NXNL2: variants seen among roughly 807,000 people sequenced by gnomAD.
NXNL2 encodes the protein nucleoredoxin-like protein 2.
Under a neutral mutation model 11.1 loss-of-function variants are expected in NXNL2, and 7 were observed. That is an observed-to-expected ratio of 0.63 (90% CI 0.36 to 1.18). The LOEUF (loss-of-function observed/expected upper bound fraction) is 1.18. Ranked by LOEUF, NXNL2 falls within the 50% of genes most tolerant of loss-of-function variation. The pLI, the probability that NXNL2 is intolerant of heterozygous loss-of-function variation, is 0.02. For synonymous variants in NXNL2, 109 were observed against 101.8 expected, an observed-to-expected ratio of 1.07 and a Z score of -0.42; for missense variants, 233 against 217.7, an observed-to-expected ratio of 1.07 and a Z score of -0.44.
intron 1 of NXNL2, among the ~76,000 whole-genome samples, chr9:88,551,609 T>C (rs1829933581): frequency 6.6e-6 from 1 of 152,194 alleles, no homozygotes; most frequent in African/African-American, 2.4e-5. Flanking sequence ...AATGTCTTCT[T>C]TCTGCACAGT....
At chr9:88,556,862 G>A (rs1587848913) in intron 1 of NXNL2, among the ~76,000 whole-genome samples, 1 of 152,060 alleles carries the variant, frequency 6.6e-6, no homozygotes, top group African/African-American at 2.4e-5. Flanking sequence ...CGGATCATGA[G>A]CTCAGGAGGT....
chr9:88,570,896 C>T lies in NXNL2; in HGVS notation c.303-191C>T, dbSNP rs371208715. 5.4e-4 allele frequency among the ~76,000 whole-genome samples: 82 copies of T among 151,950 alleles called. 1 individual carries two copies. In the South Asian group the frequency reaches 0.016, roughly 30 times the overall value. Reference sequence around the variant, plus strand: ...TAGCTGGGATTACAGGAGTGCACCACCATGCCTGGCTAATTTTTGTATTTT... The same window carrying T: ...TAGCTGGGATTACAGGAGTGCACCATCATGCCTGGCTAATTTTTGTATTTT... On this transcript the variant is annotated intron_variant, in intron 1 of 2. Transcript: ENST00000375855.
At chr9:88,540,070 C>T (rs1441779446) in intron 1 of NXNL2, among the ~76,000 whole-genome samples, 3 of 151,870 alleles carry the variant, frequency 2.0e-5, no homozygotes, top group Non-Finnish European at 4.4e-5. Context: ...TGGTGGCTCA[C>T]GCCTGTAATC....
At chr9:88,546,398 T>C (rs2118436269), downstream of NXNL2, among the ~76,000 whole-genome samples, 2 of 147,954 alleles carry the variant, frequency 1.4e-5, no homozygotes, top group East Asian at 2.0e-4. Context: ...CCATTATTAC[T>C]CCCTGAAGAC....
At chr9:88,570,546 T>G (rs974767733) in intron 1 of NXNL2, among the ~76,000 whole-genome samples, 6 of 152,240 alleles carry the variant, frequency 3.9e-5, no homozygotes, top group African/African-American at 1.4e-4. Flanking sequence ...TCATCATGCC[T>G]CAGTTTCCTC....
In NXNL2 at chr9:88,575,148, A is replaced by G. The variant is rs1830330828; in HGVS notation, c.*78A>G. The G allele has an allele frequency of 1.0e-5, 10 of 985,216 alleles. No individual in the cohort carries two copies. The South Asian group carries it at 4.7e-4, about 46-fold the overall frequency. 61.0% of individuals were successfully genotyped at this position (985,216 alleles called of 1,614,324 possible). ...GAGGAGTTGGACACTCCGAGAGTGC[A>G]GCTGTTCTCCCCCCGCACCATCCGT... On this transcript the variant is annotated 3_prime_UTR_variant, in exon 3 of 3. Coordinates refer to the NXNL2 transcript ENST00000375855.
In NXNL2 at chr9:88,544,540, C is replaced by G; in HGVS notation, c.464C>G (p.Ser155Cys). 6.5e-7 allele frequency: 1 copy of G among 1,532,896 alleles called. No homozygotes were observed. The highest frequency in any genetic ancestry group is 8.8e-7 in the Non-Finnish European group (1 of 1,137,476). 95.0% of individuals were successfully genotyped at this position (1,532,896 alleles called of 1,614,324 possible). A position where few individuals can be genotyped will look rare whatever the true frequency, so the allele number is the denominator to read the frequency against. The change falls in exon 2 of 2, where the codon TCC (serine) becomes TGC (cysteine). Residue 155 changes from serine (S) to cysteine (C), a missense_variant. Physicochemically the swap from Ser to Cys is moderately radical, Grantham distance 112. Transcript: ENST00000375854. ...GCGGCCGATATCTTCCAGAATTTCT[C>G]CGTTTGAAGTGGGAGGGACCTCAGA... The part of the protein sequence containing the change: ...VEAADIFQNF[S>C]V
downstream of NXNL2, among the ~76,000 whole-genome samples, chr9:88,549,310 C>G: frequency 6.6e-6 from 1 of 152,154 alleles, no homozygotes; most frequent in Non-Finnish European, 1.5e-5. Context: ...GAATGATCCC[C>G]GGGCTGCTCC....
At chr9:88,561,709 T>C (rs754394057) in intron 1 of NXNL2, among the ~76,000 whole-genome samples, 7 of 152,108 alleles carry the variant, frequency 4.6e-5, no homozygotes, top group Non-Finnish European at 7.3e-5. Context: ...AATCCCAATG[T>C]GCCGAGAACC....
chr9:88,566,072 A>T (rs546396643), intron 1 of NXNL2, among the ~76,000 whole-genome samples: 33 of 152,268 alleles, frequency 2.2e-4, no homozygotes, highest in African/African-American at 7.0e-4. Flanking sequence ...GAATTCCTAT[A>T]TGCTTTGGAA....
At chr9:88,570,829 G>T (rs891742409) in intron 1 of NXNL2, among the ~76,000 whole-genome samples, 2 of 151,946 alleles carry the variant, frequency 1.3e-5, no homozygotes, top group African/African-American at 4.8e-5. Flanking sequence ...TGAAACTTCC[G>T]CCTCCTGGGT....
At chr9:88,536,806 C>G (rs972452588) in intron 1 of NXNL2, among the ~76,000 whole-genome samples, 1 of 152,188 alleles carries the variant, frequency 6.6e-6, no homozygotes, top group African/African-American at 2.4e-5. Context: ...CACCGCCCAG[C>G]CTTCCAGGGG....
intron 1 of NXNL2, chr9:88,570,989 C>T (rs982174645): frequency 3.9e-5 from 13 of 335,148 alleles, no homozygotes; most frequent in Admixed American, 2.0e-4. Flanking sequence ...GTGATCCACC[C>T]GAGTTGGCCT....
At chr9:88,568,213 A>G (rs1830206709) in intron 1 of NXNL2, among the ~76,000 whole-genome samples, 2 of 152,230 alleles carry the variant, frequency 1.3e-5, no homozygotes. Flanking sequence ...TAGTGCAACT[A>G]ACTGCATCTT....
In NXNL2 at chr9:88,535,564, T is replaced by A; in HGVS notation, c.130T>A (p.Phe44Ile). The change falls in exon 1 of 2, where the codon TTC (phenylalanine) becomes ATC (isoleucine). Residue 44 changes from phenylalanine to isoleucine, a missense_variant. Coordinates refer to ENST00000375854, the MANE Select transcript of NXNL2 (RefSeq NM_001161625.2). ...AAARCAPSRD[F>I]TPLLCDFYTA... ...GGCCCGGTGCGCGCCGAGCCGCGAC[T>A]TCACGCCGCTGCTCTGCGACTTCTA... is the stretch of plus-strand genomic sequence containing the variant. 1 of 1,609,516 alleles carries A rather than the reference T, an allele frequency of 6.2e-7. No homozygotes were observed. The highest frequency in any genetic ancestry group is 1.3e-5 in the African/African-American group (1 of 75,004).
In NXNL2 at chr9:88,583,156, T is replaced by C. The variant is rs528136752; in HGVS notation, n.552-843T>C. ...CCCCTGGCAGGCCCGACTGGGCTCA[T>C]TCCCATGGTGGTTTTGGGATTCTAA... On this transcript the variant is annotated intron_variant and non_coding_transcript_variant, in intron 1 of 1. Coordinates refer to the NXNL2 transcript ENST00000478686. Among the ~76,000 whole-genome samples, 5 of 152,356 alleles carry C rather than the reference T, an allele frequency of 3.3e-5. No individual in the cohort carries two copies. In the South Asian group the frequency reaches 1.0e-3, roughly 32 times the overall value.
intron 1 of NXNL2, among the ~76,000 whole-genome samples, chr9:88,562,478 G>C (rs998135106): frequency 6.6e-6 from 1 of 152,118 alleles, no homozygotes; most frequent in Non-Finnish European, 1.5e-5. Flanking sequence ...TTGTAGTAAG[G>C]AGACTGGGAG....
At chr9:88,535,836 C>T in intron 1 of NXNL2, 100 bp downstream of exon 1, 4 of 875,000 alleles carry the variant, frequency 4.6e-6, no homozygotes, top group Non-Finnish European at 6.8e-6. Flanking sequence ...ATGACGCCCC[C>T]CCCCAACACC....
At chr9:88,579,932 C>T (rs1480449773), downstream of NXNL2, among the ~76,000 whole-genome samples, 2 of 151,796 alleles carry the variant, frequency 1.3e-5, no homozygotes, top group Admixed American at 6.6e-5. Context: ...AGATCGAGAC[C>T]CTCCTGACTA....
Sources: gnomAD v4.1 joint callset for allele counts (sites outside exome capture counted in the v4.1 genomes callset) on GRCh38, gnomAD v4.1.1 for gene constraint, MANE v1.5 for transcripts, NCBI Gene and HGNC (gene_info 2026-07-23, HGNC 2026-07-21) for gene names.